ZNF85: variants seen among roughly 807,000 people sequenced by gnomAD.
ZNF85 encodes zinc finger protein 85.
In ZNF85, 50 loss-of-function variants were observed where a neutral mutation model predicts 53.9. The observed-to-expected ratio is 0.93, with a 90% CI of 0.74 to 1.17. ZNF85 has a LOEUF of 1.17. ZNF85 is among the 50% of genes most tolerant of loss of function. The pLI is 0.00. For synonymous variants in ZNF85, 225 were observed against 226.1 expected, an observed-to-expected ratio of 1.00 and a Z score of 0.04; for missense variants, 747 against 688.5, an observed-to-expected ratio of 1.08 and a Z score of -0.95.
At chr19:20,930,142 A>AAAAAAAAAAG in intron 1 of ZNF85, among the ~76,000 whole-genome samples, 1 of 145,160 alleles carries the variant, frequency 6.9e-6, no homozygotes, top group Non-Finnish European at 1.5e-5. Flanking sequence ...AAAAAAAAAA[A>AAAAAAAAAAG]GAAATCAGAG....
chr19:20,933,303 A>G (rs2144620837), intron 1 of ZNF85, among the ~76,000 whole-genome samples: 1 of 151,638 alleles, frequency 6.6e-6, no homozygotes, highest in East Asian at 1.9e-4. Flanking sequence ...TTTTTTCTTC[A>G]TTATTATCTT....
At position 20,949,787 on chromosome 19, in the gene ZNF85, C is replaced by G; in HGVS notation, c.1273C>G (p.Pro425Ala). The change falls in exon 4 of 4, where the codon CCT (proline) becomes GCT (alanine). Residue 425 changes from proline to alanine, a missense_variant. Physicochemically the swap from Pro to Ala is conservative, Grantham distance 27. Transcript: ENST00000328178. Reference sequence around the variant, plus strand: ...TAAGATAATTCATACTGGAGAGAAGCCTTACAAATGTAAAGAATGTGAAAA... The same window carrying G: ...TAAGATAATTCATACTGGAGAGAAGGCTTACAAATGTAAAGAATGTGAAAA... ...KHKIIHTGEK[P>A]YKCKECEKAF... 1 of 1,611,730 alleles carries G rather than the reference C, an allele frequency of 6.2e-7. No homozygotes were observed. The highest frequency in any genetic ancestry group is 8.5e-7 in the Non-Finnish European group (1 of 1,178,902).
At chr19:20,942,836 C>G (rs1270517022) in intron 3 of ZNF85, 1 of 699,366 alleles carries the variant, frequency 1.4e-6, no homozygotes, top group Admixed American at 2.0e-5. Flanking sequence ...AATGCAGTAG[C>G]AAGATTTTGG....
At chr19:20,930,760 G>A (rs1258990824) in intron 1 of ZNF85, among the ~76,000 whole-genome samples, 1 of 152,152 alleles carries the variant, frequency 6.6e-6, no homozygotes, top group South Asian at 2.1e-4. Context: ...TGATACTTAA[G>A]GATGGAGATG....
intron 1 of ZNF85, among the ~76,000 whole-genome samples, chr19:20,924,269 TTATA>T (rs1339285814): frequency 6.6e-6 from 1 of 152,162 alleles, no homozygotes; most frequent in African/African-American, 2.4e-5. Flanking sequence ...TTAGGTACAG[TTATA>T]TAGTCTCTTA....
At chr19:20,933,280 A>G (rs1224025214) in intron 1 of ZNF85, among the ~76,000 whole-genome samples, 3 of 151,790 alleles carry the variant, frequency 2.0e-5, no homozygotes, top group Non-Finnish European at 4.4e-5. Context: ...TTTTGTCACT[A>G]TAGAGATAAT....
chr19:20,926,002 T>C (rs969779852), intron 1 of ZNF85, among the ~76,000 whole-genome samples: 1 of 152,232 alleles, frequency 6.6e-6, no homozygotes, highest in Admixed American at 6.5e-5. Context: ...CTTGTTCCTT[T>C]GTCAGAGTGA....
At chr19:20,932,589 G>T (rs551796067) in intron 1 of ZNF85, among the ~76,000 whole-genome samples, 5 of 152,138 alleles carry the variant, frequency 3.3e-5, no homozygotes, top group Admixed American at 6.5e-5. Flanking sequence ...AACATGTAAT[G>T]TTGAGGTTCC....
chr19:20,939,823 A>G (rs112399721), intron 3 of ZNF85, among the ~76,000 whole-genome samples: 1,812 of 152,172 alleles, frequency 0.012, 33 homozygotes, highest in African/African-American at 0.034. Flanking sequence ...TCAGCCTCCC[A>G]AGTTGCTGGG....
At chr19:20,938,602 T>G (rs6511170) in intron 3 of ZNF85, among the ~76,000 whole-genome samples, 152,193 of 152,226 alleles carry the variant, frequency 1, 76,080 homozygotes, top group Middle Eastern at 1. Context: ...TTTCAAACTT[T>G]TCTGTAATTT....
At chr19:20,948,660 T>C in intron 3 of ZNF85, 84 bp from the exon 4 acceptor site, 1 of 1,039,720 alleles carries the variant, frequency 9.6e-7, no homozygotes, top group Admixed American at 2.4e-5. Flanking sequence ...TAATGTAGTT[T>C]GTTTAATTTT....
chr19:20,932,361 T>C (rs553366020), intron 1 of ZNF85, among the ~76,000 whole-genome samples: 14 of 152,304 alleles, frequency 9.2e-5, no homozygotes, highest in Non-Finnish European at 2.1e-4. Context: ...AAAATTCTTA[T>C]GATAGTCAAG....
intron 1 of ZNF85, among the ~76,000 whole-genome samples, chr19:20,925,443 C>T (rs928222748): frequency 2.9e-5 from 4 of 137,718 alleles, no homozygotes; most frequent in African/African-American, 8.2e-5. Context: ...GGTGAAAGAG[C>T]GAGACTGTAT....
chr19:20,942,654 G>A lies in ZNF85; in HGVS notation c.230-6090G>A, dbSNP rs1973324563. ...AAACTTGGGCAAGAATATGTTGAAGGGTGTGTTTTATTTTTACGTAATTTT... is the reference window on the plus strand; with the variant it reads ...AAACTTGGGCAAGAATATGTTGAAGAGTGTGTTTTATTTTTACGTAATTTT... On this transcript the variant is annotated intron_variant, in intron 3 of 3. Coordinates refer to ENST00000328178, the MANE Select transcript of ZNF85 (RefSeq NM_003429.5). 12 of 546,426 alleles carry A rather than the reference G, an allele frequency of 2.2e-5. 2 individuals are homozygous for A. In the South Asian group the frequency reaches 2.7e-4, roughly 12 times the overall value. 33.8% of individuals were successfully genotyped at this position (546,426 alleles called of 1,614,324 possible).
chr19:20,927,271 CAG>C (rs1250781539), intron 1 of ZNF85: 2 of 151,506 alleles, frequency 1.3e-5, no homozygotes, highest in African/African-American at 4.9e-5. Flanking sequence ...CTGACCAACA[CAG>C]AGAAACCCCA....
At position 20,950,493 on chromosome 19, in the gene ZNF85, C is replaced by CTTTAT. The variant is rs201500931; in HGVS notation, c.*195_*196insTTTTA. 51,556 of 463,332 alleles carry CTTTAT rather than the reference C, an allele frequency of 0.11. 3,162 individuals are homozygous for CTTTAT. The highest frequency in any genetic ancestry group is 0.13 in the Non-Finnish European group (33,635 of 267,892). The allele number at this position is 463,332 out of a possible 1,614,324, so 28.7% of individuals were successfully genotyped here. ...GCAAAGTCTTTAAATGGTTGTCACA[C>CTTTAT]TTTAGGTAAGATAATTCATATTGGA... On this transcript the variant is annotated 3_prime_UTR_variant, in exon 4 of 4. Coordinates refer to ENST00000328178, the MANE Select transcript of ZNF85 (RefSeq NM_003429.5).
Position 20,949,047 on chromosome 19 carries a change from A to G in ZNF85, c.533A>G (p.Lys178Arg). The G allele has an allele frequency of 6.2e-7, 1 of 1,613,904 alleles. No individual in the cohort carries two copies. The highest frequency in any genetic ancestry group is 8.5e-7 in the Non-Finnish European group (1 of 1,179,852). Residue 178 changes from lysine to arginine, a missense_variant, in exon 4 of 4, where the codon AAA (lysine) becomes AGA (arginine). Coordinates refer to ENST00000328178, the MANE Select transcript of ZNF85 (RefSeq NM_003429.5). ...HTKKKPFKCT[K>R]CGKSFGMISC... ...AAAAAGAAACCTTTCAAATGTACAA[A>G]ATGTGGCAAATCATTTGGCATGATT... is the stretch of plus-strand genomic sequence containing the variant.
At position 20,949,059 on chromosome 19, in the gene ZNF85, C is replaced by T; in HGVS notation, c.545C>T (p.Ser182Leu). The change falls in exon 4 of 4, where the codon TCA (serine) becomes TTA (leucine). Residue 182 changes from serine (S) to leucine (L), a missense_variant. Physicochemically the swap from Ser to Leu is moderately radical, Grantham distance 145. Transcript: ENST00000328178. ...TTCAAATGTACAAAATGTGGCAAAT[C>T]ATTTGGCATGATTTCATGCCTAACT... is the stretch of plus-strand genomic sequence containing the variant. ...KPFKCTKCGKSFGMISCLTEH... is the reference protein window; with the variant it reads ...KPFKCTKCGKLFGMISCLTEH... 1 of 1,613,828 alleles carries T rather than the reference C, an allele frequency of 6.2e-7. No individual in the cohort carries two copies. Among genetic ancestry groups the T allele is most frequent in the South Asian group, 1.1e-5 (1 of 91,046 alleles).
At chr19:20,942,717 C>T (rs868806733) in intron 3 of ZNF85, 33 of 609,092 alleles carry the variant, frequency 5.4e-5, no homozygotes, top group African/African-American at 3.8e-4. Context: ...TAGTTGCATT[C>T]AGTTTTGGTC....
Sources: allele counts gnomAD v4.1 joint callset (sites outside exome capture counted in the v4.1 genomes callset), GRCh38; gene constraint gnomAD v4.1.1; transcripts MANE v1.5; gene names NCBI Gene and HGNC (gene_info 2026-07-23, HGNC 2026-07-21).